The following ABCA5 variants were observed in gnomAD, a reference collection of about 807,000 sequenced individuals.
ABCA5 encodes the protein cholesterol transporter ABCA5.
A neutral mutation model predicts 206.0 loss-of-function variants in ABCA5; 163 were observed. That is an observed-to-expected ratio of 0.79 (90% CI 0.70 to 0.90). The LOEUF (loss-of-function observed/expected upper bound fraction) is 0.90, where lower values mean the gene tolerates loss of function less well. ABCA5 is among the 40% of genes least tolerant of loss of function. ABCA5 has a pLI of 0.00. For missense variants in ABCA5, 1,859 were observed against 1,912.9 expected, an observed-to-expected ratio of 0.97 and a Z score of 0.53; for synonymous variants, 609 against 613.8, an observed-to-expected ratio of 0.99 and a Z score of 0.11.
At chr17:69,261,893 C>A in intron 24 of ABCA5, 145 bp from the exon 25 acceptor site, 1 of 397,568 alleles carries the variant, frequency 2.5e-6, no homozygotes, top group South Asian at 1.0e-4. Context: ...GTTTTTTGTA[C>A]CAAGTAAAAT....
chr17:69,282,381 C>G (rs1168311214), intron 18 of ABCA5, among the ~76,000 whole-genome samples: 1 of 152,190 alleles, frequency 6.6e-6, no homozygotes, highest in Non-Finnish European at 1.5e-5. Flanking sequence ...TCATCCAATT[C>G]CATAGCACCA....
In ABCA5 at chr17:69,304,731, A is replaced by G. The variant is rs1332841112; in HGVS notation, c.868T>C (p.Leu290=). Residue 290 remains leucine (L), a synonymous_variant, in exon 7 of 39, where the codon TTA becomes CTA. Transcript: ENST00000392676. The stretch of plus-strand genomic sequence containing the variant: ...ACAATGCTGCTACTTTGAGGAAATA[A>G]CAAAGAAGCTGTCGCAATGACTGCC... ...LMAVIATASL[L]FPQSSSIVIF... is the part of the protein sequence containing the mutation. 7 of 1,609,886 alleles carry G rather than the reference A, an allele frequency of 4.3e-6. No individual in the cohort carries two copies. The highest frequency in any genetic ancestry group is 5.9e-6 in the Non-Finnish European group (7 of 1,177,538).
At chr17:69,253,715 T>A (rs2075043259) in intron 33 of ABCA5, 48 bp from the exon 34 acceptor site, 13 of 1,585,630 alleles carry the variant, frequency 8.2e-6, no homozygotes, top group Non-Finnish European at 1.1e-5. Flanking sequence ...AGGTTCACTA[T>A]AAGGAATCTA....
chr17:69,263,655 G>A (rs2075174257), intron 24 of ABCA5, among the ~76,000 whole-genome samples: 2 of 145,112 alleles, frequency 1.4e-5, no homozygotes, highest in South Asian at 2.1e-4. Context: ...TTTGAAGTCA[G>A]GTAATGAAAT....
At chr17:69,267,275 T>A (rs1050235013) in intron 23 of ABCA5, among the ~76,000 whole-genome samples, 2 of 152,162 alleles carry the variant, frequency 1.3e-5, no homozygotes, top group African/African-American at 4.8e-5. Context: ...ATTAAGATCA[T>A]CCATGAAGAA....
intron 11 of ABCA5, among the ~76,000 whole-genome samples, chr17:69,293,856 G>GTC (rs1363046205): frequency 2.0e-5 from 2 of 102,282 alleles, no homozygotes; most frequent in African/African-American, 6.4e-5. Context: ...GTGTGTGTGT[G>GTC]TGTGTGTGTG....
rs2075302621 is a variant in ABCA5 at position 69,273,942 on chromosome 17, C to A, written c.2764+17G>T. The A allele has an allele frequency of 2.5e-6, 4 of 1,592,378 alleles. No individual in the cohort carries two copies. The African/African-American group carries it at 4.1e-5, about 16-fold the overall frequency. ...CTCCATGCCAACACTCGTTCACAGA[C>A]CTTCACACACTCTCACCAGCAGAAT... On this transcript the variant is annotated intron_variant, in intron 20 of 38. Transcript: ENST00000392676.
At chr17:69,293,145 G>A (rs2075546085) in intron 11 of ABCA5, among the ~76,000 whole-genome samples, 1 of 148,476 alleles carries the variant, frequency 6.7e-6, no homozygotes, top group Non-Finnish European at 1.5e-5. Context: ...GTGTCAGTCA[G>A]TCTCCAGAAC....
At chr17:69,296,115 A>T (rs11651815) in intron 10 of ABCA5, among the ~76,000 whole-genome samples, 59,900 of 151,870 alleles carry the variant, frequency 0.39, 12,694 homozygotes, top group Middle Eastern at 0.51. Context: ...GTGAAGGGGG[A>T]TATAAACCAG....
chr17:69,305,812 A>C (rs1050054320), intron 6 of ABCA5, among the ~76,000 whole-genome samples: 3 of 152,176 alleles, frequency 2.0e-5, no homozygotes, highest in Admixed American at 1.3e-4. Context: ...TTGAGGCCAC[A>C]GTGACCCATG....
chr17:69,275,536 G>C (rs558813921), intron 19 of ABCA5, among the ~76,000 whole-genome samples: 20 of 152,190 alleles, frequency 1.3e-4, no homozygotes, highest in African/African-American at 4.3e-4. Context: ...AGTGATTTAG[G>C]TTAAAAAATA....
At chr17:69,320,056 C>T (rs1374246492) in intron 1 of ABCA5, among the ~76,000 whole-genome samples, 1 of 152,004 alleles carries the variant, frequency 6.6e-6, no homozygotes, top group East Asian at 1.9e-4. Flanking sequence ...GTTAAAATGA[C>T]TAAAAGAATT....
chr17:69,290,926 CAAT>C (rs1356159068), intron 12 of ABCA5, among the ~76,000 whole-genome samples: 1 of 151,786 alleles, frequency 6.6e-6, no homozygotes, highest in African/African-American at 2.4e-5. Flanking sequence ...ATTTAATTTC[CAAT>C]AAGTTACTCA....
intron 12 of ABCA5, 136 bp downstream of exon 12, chr17:69,291,080 C>T (rs988690836): frequency 2.8e-5 from 13 of 470,692 alleles, no homozygotes; most frequent in Non-Finnish European, 4.4e-5. Flanking sequence ...CTAAAAACAA[C>T]CACATGTGTA....
At position 69,297,190 on chromosome 17, in the gene ABCA5, C is replaced by G. The variant is rs775039049; in HGVS notation, c.1436+1G>C. ...CTAAATTGCCAAAGATTGAACCATACCTTATGGCTTCTTTTCCTACAAATT... is the reference window on the plus strand; with the variant it reads ...CTAAATTGCCAAAGATTGAACCATAGCTTATGGCTTCTTTTCCTACAAATT... On this transcript the variant is annotated splice_donor_variant, in intron 10 of 38. Coordinates refer to ENST00000392676, the MANE Select transcript of ABCA5 (RefSeq NM_172232.4). LOFTEE classifies it high-confidence loss of function. 1.2e-6 allele frequency: 2 copies of G among 1,610,716 alleles called. No individual in the cohort carries two copies. Among genetic ancestry groups the G allele is most frequent in the South Asian group, 2.2e-5 (2 of 89,908 alleles).
intron 31 of ABCA5, 67 bp downstream of exon 31, chr17:69,255,476 C>A: frequency 9.5e-7 from 1 of 1,057,380 alleles, no homozygotes; most frequent in Admixed American, 3.0e-5. Context: ...GAATTTGTCA[C>A]TAAAAGTTTA....
intron 32 of ABCA5, 91 bp downstream of exon 32, chr17:69,254,224 T>C (rs1286315115): frequency 2.9e-6 from 3 of 1,052,512 alleles, no homozygotes; most frequent in Admixed American, 2.6e-5. Context: ...AAAATCATTG[T>C]CCACAGAAAT....
chr17:69,321,163 T>C (rs936265529), intron 1 of ABCA5, among the ~76,000 whole-genome samples: 1 of 152,068 alleles, frequency 6.6e-6, no homozygotes, highest in African/African-American at 2.4e-5. Flanking sequence ...GAAGGAAGAA[T>C]GTGGGAAGGC....
chr17:69,306,534 T>G (rs147789176), intron 6 of ABCA5, among the ~76,000 whole-genome samples, 191 bp downstream of exon 6: 171 of 152,174 alleles, frequency 1.1e-3, no homozygotes, highest in African/African-American at 4.0e-3. Context: ...CTTCATCCCT[T>G]ATGTTAAATG....
Sources: allele counts gnomAD v4.1 joint callset (sites outside exome capture counted in the v4.1 genomes callset), GRCh38; gene constraint gnomAD v4.1.1; transcripts MANE v1.5; gene names NCBI Gene and HGNC (gene_info 2026-07-23, HGNC 2026-07-21).